CCNO: variants seen among roughly 807,000 people sequenced by gnomAD.
The protein encoded by CCNO is cyclin-O.
A neutral mutation model predicts 23.9 loss-of-function variants in CCNO; 24 were observed. That is an observed-to-expected ratio of 1.00 (90% CI 0.73 to 1.41). CCNO has a LOEUF of 1.41. CCNO is among the 40% of genes most tolerant of loss of function. CCNO has a pLI of 0.00. For missense variants in CCNO, 542 were observed against 476.2 expected (o/e 1.14, Z -1.29); for synonymous variants, 241 against 225.7 (o/e 1.07, Z -0.61).
intron 2 of CCNO, among the ~76,000 whole-genome samples, chr5:55,232,083 AG>A (rs1297461353): frequency 6.6e-6 from 1 of 151,688 alleles, no homozygotes; most frequent in Non-Finnish European, 1.5e-5. Flanking sequence ...GCTTTTTCGG[AG>A]GCTAGACTAG....
Position 55,233,337 on chromosome 5 carries a change from A to T in CCNO, c.187T>A (p.Ser63Thr). ...GCGCCGTCTGAGCCGGAGCTGGGGG[A>T]CTCGAACAGGTCGCAAATGCCGGAG... ...GDSGICDLFESPSSGSDGAES... is the reference protein window; with the variant it reads ...GDSGICDLFETPSSGSDGAES... The change falls in exon 1 of 3, where the codon TCC (serine) becomes ACC (threonine). Residue 63 changes from serine to threonine, a missense_variant. Physicochemically the swap from Ser to Thr is moderately conservative, Grantham distance 58. Transcript: ENST00000282572. The T allele has an allele frequency of 6.2e-7, 1 of 1,606,408 alleles. No homozygotes were observed. The highest frequency in any genetic ancestry group is 8.5e-7 in the Non-Finnish European group (1 of 1,177,736).
intron 1 of CCNO, chr5:55,232,812 T>C: frequency 1.7e-6 from 1 of 590,226 alleles, no homozygotes; most frequent in Non-Finnish European, 3.0e-6. Flanking sequence ...AGGGGTTCCA[T>C]TTTGCAGATG....
Position 55,231,556 on chromosome 5 carries a change from G to A in CCNO, c.872C>T (p.Ala291Val). The A allele has an allele frequency of 1.9e-6, 3 of 1,613,494 alleles. No homozygotes were observed. Among genetic ancestry groups the A allele is most frequent in the Admixed American group, 1.7e-5 (1 of 60,018 alleles). Reference protein sequence around the residue: ...SLLAICCLALADRMLRVSRPV... With the variant: ...SLLAICCLALVDRMLRVSRPV... Reference sequence around the variant, plus strand: ...CCGCGAGACCCGCAGCATGCGGTCCGCCAGCGCCAGGCAGCAGATCGCCAG... The same window carrying A: ...CCGCGAGACCCGCAGCATGCGGTCCACCAGCGCCAGGCAGCAGATCGCCAG... Residue 291 changes from alanine to valine, a missense_variant, in exon 3 of 3, where the codon GCG becomes GTG. Ala to Val is a moderately conservative substitution (Grantham distance 64). Transcript: ENST00000282572.
chr5:55,231,928 G>A, intron 2 of CCNO, 68 bp from the exon 3 acceptor site: 1 of 1,453,554 alleles, frequency 6.9e-7, no homozygotes, highest in Non-Finnish European at 9.1e-7. Context: ...CCAGTATGAC[G>A]CCCGGACTTT....
chr5:55,232,607 GGGAA>G, intron 1 of CCNO, 61 bp from the exon 2 acceptor site: 2 of 1,509,634 alleles, frequency 1.3e-6, no homozygotes, highest in South Asian at 2.3e-5. Context: ...GACTGTGGAA[GGGAA>G]GGAAGGGCCA....
At position 55,232,523 on chromosome 5, in the gene CCNO, C is replaced by G; in HGVS notation, c.405G>C (p.Lys135Asn). ...QPQVTAESRC[K>N]LLSWLIPVHR... ...GCACCGGGATCAGCCAGCTGAGCAG[C>G]TTACAGCGGGATTCCGCCGTCACCT... Residue 135 changes from lysine (K) to asparagine (N), a missense_variant, in exon 2 of 3, where the codon AAG becomes AAC. Physicochemically the swap from Lys to Asn is moderately conservative, Grantham distance 94. Transcript: ENST00000282572. The G allele has an allele frequency of 6.2e-7, 1 of 1,613,626 alleles. No individual in the cohort carries two copies. Among genetic ancestry groups the G allele is most frequent in the Non-Finnish European group, 8.5e-7 (1 of 1,180,024 alleles).
rs760832879 is a variant in CCNO, at chr5:55,233,341, G to A, written c.183C>T (p.Phe61=). The A allele has an allele frequency of 1.0e-5, 16 of 1,607,342 alleles. 1 individual carries two copies. In the Admixed American group the frequency reaches 2.3e-4, roughly 24 times the overall value. The change falls in exon 1 of 3, where the codon TTC becomes TTT. Residue 61 remains phenylalanine, a synonymous_variant. Coordinates refer to ENST00000282572, the MANE Select transcript of CCNO (RefSeq NM_021147.5). The part of the protein sequence containing the change: ...LPGDSGICDL[F]ESPSSGSDGA... The stretch of plus-strand genomic sequence containing the variant: ...CGTCTGAGCCGGAGCTGGGGGACTC[G>A]AACAGGTCGCAAATGCCGGAGTCTC...
Position 55,233,028 on chromosome 5 carries a change from C to T in CCNO, c.381+115G>A, listed in dbSNP as rs186131434. On this transcript the variant is annotated intron_variant, in intron 1 of 2. Transcript: ENST00000282572. ...CGGCCCCTTGTGCTTCGACTCGGGGCGGGACCTGGGCTGTCGCGGGCCCGG... is the reference window on the plus strand; with the variant it reads ...CGGCCCCTTGTGCTTCGACTCGGGGTGGGACCTGGGCTGTCGCGGGCCCGG... 3.6e-6 allele frequency: 4 copies of T among 1,105,862 alleles called. No homozygotes were observed. In the African/African-American group the frequency reaches 4.8e-5, roughly 13 times the overall value. The allele number at this position is 1,105,862 out of a possible 1,614,324, so 68.5% of individuals were successfully genotyped here. A position where few individuals can be genotyped will look rare whatever the true frequency, so the allele number is the denominator to read the frequency against.
At position 55,231,560 on chromosome 5, in the gene CCNO, G is replaced by A. The variant is rs113727614; in HGVS notation, c.868C>T (p.Leu290=). 4 of 1,613,570 alleles carry A rather than the reference G, an allele frequency of 2.5e-6. No individual in the cohort carries two copies. Among genetic ancestry groups the A allele is most frequent in the South Asian group, 1.1e-5 (1 of 91,082 alleles). The change falls in exon 3 of 3, where the codon CTG becomes TTG. Residue 290 remains leucine (L), a synonymous_variant. Transcript: ENST00000282572. The part of the protein sequence containing the change: ...PSLLAICCLA[L]ADRMLRVSRP... ...GAGACCCGCAGCATGCGGTCCGCCAGCGCCAGGCAGCAGATCGCCAGGAGG... is the reference window on the plus strand; with the variant it reads ...GAGACCCGCAGCATGCGGTCCGCCAACGCCAGGCAGCAGATCGCCAGGAGG...
Position 55,232,560 on chromosome 5 carries a change from G to A in CCNO, c.382-14C>T, listed in dbSNP as rs72749883. 6.8e-6 allele frequency: 11 copies of A among 1,612,752 alleles called. No homozygotes were observed. The highest frequency in any genetic ancestry group is 1.3e-5 in the African/African-American group (1 of 75,046). ...TTCCGCCGTCACCTGCCGGGAAGGA[G>A]GGGGGAGGCGGGCCCGCTGGGCTTA... On this transcript the variant is annotated splice_polypyrimidine_tract_variant and intron_variant, in intron 1 of 2. Transcript: ENST00000282572.
intron 1 of CCNO, 83 bp downstream of exon 1, chr5:55,233,060 G>C: frequency 7.0e-7 from 1 of 1,438,754 alleles, no homozygotes. Context: ...CCGGGCGCTC[G>C]GAGGGCCGAG....
At position 55,231,413 on chromosome 5, in the gene CCNO, T is replaced by C; in HGVS notation, c.1015A>G (p.Ile339Val). ...TSLTHMLPVQ[I>V]CEKCSLPPSS... ...GGGGGCAGGCTGCACTTCTCGCAGA[T>C]CTGAACGGGCAGCATGTGAGTCAAG... The change falls in exon 3 of 3, where the codon ATC (isoleucine) becomes GTC (valine). Residue 339 changes from isoleucine to valine, a missense_variant. Coordinates refer to ENST00000282572, the MANE Select transcript of CCNO (RefSeq NM_021147.5). 1 of 1,614,110 alleles carries C rather than the reference T, an allele frequency of 6.2e-7. No individual in the cohort carries two copies. Among genetic ancestry groups the C allele is most frequent in the Non-Finnish European group, 8.5e-7 (1 of 1,180,010 alleles).
Position 55,231,304 on chromosome 5 carries a change from T to A in CCNO, c.*71A>T. On this transcript the variant is annotated 3_prime_UTR_variant, in exon 3 of 3. Transcript: ENST00000282572. ...TGAAGCCTTCTCTGTGGACCAGTAC[T>A]GCACTCTTCTGAGGCTACGGGAGAG... 1 of 1,571,828 alleles carries A rather than the reference T, an allele frequency of 6.4e-7. No homozygotes were observed. Among genetic ancestry groups the A allele is most frequent in the Non-Finnish European group, 8.7e-7 (1 of 1,152,496 alleles).
chr5:55,232,543 T>C lies in CCNO; in HGVS notation c.385A>G (p.Thr129Ala), dbSNP rs761359374. ...REALARQPQV[T>A]AESRCKLLSW... ...AGCAGCTTACAGCGGGATTCCGCCG[T>C]CACCTGCCGGGAAGGAGGGGGGAGG... Residue 129 changes from threonine (T) to alanine (A), a missense_variant, in exon 2 of 3, where the codon ACG (threonine) becomes GCG (alanine). Coordinates refer to ENST00000282572, the MANE Select transcript of CCNO (RefSeq NM_021147.5). The C allele has an allele frequency of 1.2e-6, 2 of 1,613,126 alleles. No individual in the cohort carries two copies. Among genetic ancestry groups the C allele is most frequent in the Non-Finnish European group, 8.5e-7 (1 of 1,179,902 alleles).
chr5:55,232,300 T>A, intron 2 of CCNO, 61 bp downstream of exon 2: 4 of 1,399,530 alleles, frequency 2.9e-6, no homozygotes, highest in Non-Finnish European at 2.9e-6. Flanking sequence ...GGCCAGGGAG[T>A]GGCGGGGGAG....
In CCNO at chr5:55,233,267, G is replaced by A. The variant is rs780643778; in HGVS notation, c.257C>T (p.Pro86Leu). The change falls in exon 1 of 3, where the codon CCG becomes CTG. Residue 86 changes from proline (P) to leucine (L), a missense_variant. By Grantham distance (98) the Pro-to-Leu change is moderately conservative. Transcript: ENST00000282572. Reference protein sequence around the residue: ...AARGGSPLPGPAQPVAQLDLQ... With the variant: ...AARGGSPLPGLAQPVAQLDLQ... ...ATCTAGCTGCGCCACGGGCTGGGCC[G>A]GGCCGGGCAGGGGGCTACCACCCCG... 39 of 1,589,274 alleles carry A rather than the reference G, an allele frequency of 2.5e-5. No individual in the cohort carries two copies. The highest frequency in any genetic ancestry group is 3.3e-4 in the Middle Eastern group (2 of 6,006).
At chr5:55,232,933 G>T in intron 1 of CCNO, 1 of 613,800 alleles carries the variant, frequency 1.6e-6, no homozygotes. Flanking sequence ...CTTGGGACGG[G>T]GCAAGTCCCT....
intron 1 of CCNO, 119 bp downstream of exon 1, chr5:55,233,024 G>T: frequency 9.3e-7 from 1 of 1,075,766 alleles, no homozygotes; most frequent in Non-Finnish European, 1.3e-6. Context: ...GCTTCGACTC[G>T]GGGCGGGACC....
In CCNO at chr5:55,232,130, T is replaced by G. The variant is rs547051464; in HGVS notation, c.567+231A>C. 3.9e-5 allele frequency among the ~76,000 whole-genome samples: 6 copies of G among 152,338 alleles called. No individual in the cohort carries two copies. The East Asian group carries it at 1.2e-3, about 29-fold the overall frequency. On this transcript the variant is annotated intron_variant, in intron 2 of 2. Transcript: ENST00000282572. Reference sequence around the variant, plus strand: ...AGAGCTATTTGGGACTGATTACAGCTATTAGTCTATTAGGCTATTTCTTTG... The same window carrying G: ...AGAGCTATTTGGGACTGATTACAGCGATTAGTCTATTAGGCTATTTCTTTG...
Sources: allele counts gnomAD v4.1 joint callset (sites outside exome capture counted in the v4.1 genomes callset), GRCh38; gene constraint gnomAD v4.1.1; transcripts MANE v1.5; gene names NCBI Gene and HGNC (gene_info 2026-07-23, HGNC 2026-07-21).